The following MRPL1 variants were observed in gnomAD, a reference collection of about 807,000 sequenced individuals.
MRPL1 encodes the protein mitochondrial ribosomal protein L1, also known as large ribosomal subunit protein uL1m.
MRPL1 carries 28 observed loss-of-function variants against 38.0 expected under a neutral mutation model. The ratio of observed to expected loss-of-function variants is 0.74; its 90% CI spans 0.55 to 1.01. The LOEUF (loss-of-function observed/expected upper bound fraction) is 1.01. Ranked by LOEUF, MRPL1 falls within the 50% of genes least tolerant of loss-of-function variation. The pLI is 0.00. For synonymous variants in MRPL1, 123 were observed against 126.7 expected (o/e 0.97, Z 0.20); for missense variants, 358 against 389.8 (o/e 0.92, Z 0.69).
intron 7 of MRPL1, among the ~76,000 whole-genome samples, chr4:77,927,082 T>C (rs1257008377): frequency 6.6e-6 from 1 of 152,158 alleles, no homozygotes; most frequent in Non-Finnish European, 1.5e-5. Context: ...CCCTCCCTCC[T>C]TGGTCATCTA....
intron 6 of MRPL1, among the ~76,000 whole-genome samples, chr4:77,902,348 G>C (rs1736054062): frequency 1.4e-5 from 2 of 142,142 alleles, no homozygotes; most frequent in Admixed American, 1.5e-4. Flanking sequence ...CATAGCCACT[G>C]TACTCTAGCC....
chr4:77,940,768 T>C (rs966262528), intron 7 of MRPL1, among the ~76,000 whole-genome samples: 4 of 152,224 alleles, frequency 2.6e-5, no homozygotes, highest in East Asian at 1.9e-4. Flanking sequence ...TGCTGACTTA[T>C]GTTAAATGCT....
At position 77,906,535 on chromosome 4, in the gene MRPL1, G is replaced by GA. The variant is rs571230879; in HGVS notation, c.671-2730dup. Among the ~76,000 whole-genome samples, 21 of 152,204 alleles carry GA rather than the reference G, an allele frequency of 1.4e-4. 1 individual carries two copies. In the East Asian group the frequency reaches 4.1e-3, roughly 29 times the overall value. ...TGACAATGTAGAGGAAAGAAGGGAG[G>GA]AGCAGCGTCCTTTTATGGGTGAGTA... On this transcript the variant is annotated intron_variant, in intron 6 of 8. Transcript: ENST00000315567.
At chr4:77,945,948 G>A (rs11942957) in intron 7 of MRPL1, among the ~76,000 whole-genome samples, 19 of 152,184 alleles carry the variant, frequency 1.2e-4, no homozygotes, top group Non-Finnish European at 2.1e-4. Flanking sequence ...AGCTGTGCAC[G>A]TATTGTCTTG....
chr4:77,907,982 C>G (rs1178896224), intron 6 of MRPL1, among the ~76,000 whole-genome samples: 1 of 150,700 alleles, frequency 6.6e-6, no homozygotes, highest in Non-Finnish European at 1.5e-5. Flanking sequence ...ACTACAATCT[C>G]TGCCTCCCAG....
chr4:77,948,950 T>C (rs1737341995), intron 7 of MRPL1, among the ~76,000 whole-genome samples: 1 of 152,152 alleles, frequency 6.6e-6, no homozygotes, highest in Non-Finnish European at 1.5e-5. Flanking sequence ...TTTGTATTTT[T>C]AGTAGAGACA....
chr4:77,945,128 AATTATTATTATTATT>A (rs3056930), intron 7 of MRPL1, among the ~76,000 whole-genome samples: 54 of 141,092 alleles, frequency 3.8e-4, no homozygotes, highest in African/African-American at 9.6e-4. Context: ...CTGCACCATC[AATTATTATTATTATT>A]ATTATTATTA....
intron 6 of MRPL1, among the ~76,000 whole-genome samples, chr4:77,904,229 A>T (rs1209723100): frequency 6.6e-6 from 1 of 151,712 alleles, no homozygotes; most frequent in Non-Finnish European, 1.5e-5. Context: ...CCTGTGACAA[A>T]GCAAGACTGT....
chr4:77,928,406 T>C (rs968762856), intron 7 of MRPL1, among the ~76,000 whole-genome samples: 6 of 152,192 alleles, frequency 3.9e-5, no homozygotes, highest in African/African-American at 1.4e-4. Context: ...AAACAATAAC[T>C]GGATAAAAGG....
At position 77,862,891 on chromosome 4, in the gene MRPL1, G is replaced by C. The variant is rs370602889; in HGVS notation, c.31+12G>C. ...GTGCATGGGTAGAGGTAAGGCGAGG[G>C]GTTGTCTTGCAGGGGAAATGGCTCT... On this transcript the variant is annotated intron_variant, in intron 1 of 8. Transcript: ENST00000315567. 21 of 1,614,158 alleles carry C rather than the reference G, an allele frequency of 1.3e-5. No homozygotes were observed. Among genetic ancestry groups the C allele is most frequent in the East Asian group, 2.2e-5 (1 of 44,884 alleles).
intron 7 of MRPL1, among the ~76,000 whole-genome samples, chr4:77,948,931 T>G (rs1737341134): frequency 6.6e-6 from 1 of 152,168 alleles, no homozygotes; most frequent in East Asian, 1.9e-4. Context: ...CCACCACACT[T>G]GGCTAATTTT....
intron 6 of MRPL1, among the ~76,000 whole-genome samples, chr4:77,900,331 T>G (rs995855286): frequency 3.3e-5 from 5 of 152,184 alleles, no homozygotes; most frequent in Non-Finnish European, 7.4e-5. Flanking sequence ...TTTTCTGTCT[T>G]TAAGAAGATA....
intron 6 of MRPL1, among the ~76,000 whole-genome samples, chr4:77,897,281 T>C (rs1250457757): frequency 1.3e-5 from 2 of 152,126 alleles, no homozygotes; most frequent in African/African-American, 4.8e-5. Flanking sequence ...CTCGAACTTC[T>C]GACCTCAGGT....
At chr4:77,933,930 C>T (rs140728385) in intron 7 of MRPL1, among the ~76,000 whole-genome samples, 1 of 152,090 alleles carries the variant, frequency 6.6e-6, no homozygotes, top group African/African-American at 2.4e-5. Context: ...TATCTGAACA[C>T]AAATGTTTAC....
At chr4:77,886,101 T>G (rs1735670211) in intron 4 of MRPL1, among the ~76,000 whole-genome samples, 1 of 152,216 alleles carries the variant, frequency 6.6e-6, no homozygotes, top group Admixed American at 6.5e-5. Context: ...TTATGATTTT[T>G]TTTTAATCAT....
chr4:77,879,850 C>A (rs1434582295), intron 2 of MRPL1, among the ~76,000 whole-genome samples: 2 of 152,128 alleles, frequency 1.3e-5, no homozygotes, highest in Non-Finnish European at 2.9e-5. Context: ...CAGAAGGACA[C>A]CTGTGCCCCA....
chr4:77,876,695 T>C (rs1735403661), intron 2 of MRPL1, among the ~76,000 whole-genome samples: 1 of 152,182 alleles, frequency 6.6e-6, no homozygotes, highest in African/African-American at 2.4e-5. Context: ...CTAGATTTTG[T>C]TTTTTATCAG....
intron 7 of MRPL1, among the ~76,000 whole-genome samples, chr4:77,948,794 G>C (rs1221560238): frequency 4.2e-5 from 6 of 142,466 alleles, no homozygotes; most frequent in Non-Finnish European, 9.0e-5. Context: ...TTTTGAGACA[G>C]AGTTTTGCTC....
At chr4:77,862,946 C>G in intron 1 of MRPL1, 67 bp downstream of exon 1, 1 of 1,592,550 alleles carries the variant, frequency 6.3e-7, no homozygotes, top group South Asian at 1.1e-5. Context: ...CAGCAGAGTG[C>G]AAGGCGGATT....
Sources: gnomAD v4.1 joint callset for allele counts (sites outside exome capture counted in the v4.1 genomes callset) on GRCh38, gnomAD v4.1.1 for gene constraint, MANE v1.5 for transcripts, NCBI Gene and HGNC (gene_info 2026-07-23, HGNC 2026-07-21) for gene names.